The following FANCC variants were observed in gnomAD, a reference collection of about 807,000 sequenced individuals.
The protein encoded by FANCC is Fanconi anemia group C protein.
FANCC carries 55 observed loss-of-function variants against 71.3 expected under a neutral mutation model. The observed-to-expected ratio is 0.77, with a 90% CI of 0.62 to 0.97. The LOEUF is 0.97. Ranked by LOEUF, FANCC falls within the 50% of genes least tolerant of loss-of-function variation. The pLI, the probability that FANCC is intolerant of heterozygous loss-of-function variation, is 0.00. For missense variants in FANCC, 678 were observed against 670.9 expected, an observed-to-expected ratio of 1.01 and a Z score of -0.12; for synonymous variants, 275 against 244.9, an observed-to-expected ratio of 1.12 and a Z score of -1.15.
chr9:95,108,139 GT>G (rs967141739), intron 13 of FANCC, among the ~76,000 whole-genome samples: 1 of 152,090 alleles, frequency 6.6e-6, no homozygotes, highest in Admixed American at 6.5e-5. Context: ...TGTGTGAGGC[GT>G]TTTTTTTCCC....
chr9:95,172,889 G>T (rs1267643687), intron 4 of FANCC, among the ~76,000 whole-genome samples: 1 of 152,118 alleles, frequency 6.6e-6, no homozygotes, highest in African/African-American at 2.4e-5. Flanking sequence ...GCTTGGCTGT[G>T]CTCAATAAAA....
chr9:95,183,566 T>C (rs1372804493), intron 4 of FANCC, among the ~76,000 whole-genome samples: 1 of 152,220 alleles, frequency 6.6e-6, no homozygotes, highest in African/African-American at 2.4e-5. Context: ...TTGCAGGTCA[T>C]AAAATACCCA....
chr9:95,185,049 A>T (rs4647483), intron 4 of FANCC, among the ~76,000 whole-genome samples: 1,590 of 152,356 alleles, frequency 0.01, 29 homozygotes, highest in African/African-American at 0.037. Context: ...ATCTGAAATG[A>T]TAAAGAATTT....
intron 8 of FANCC, among the ~76,000 whole-genome samples, chr9:95,132,140 T>C (rs1327600704): frequency 6.6e-6 from 1 of 152,192 alleles, no homozygotes; most frequent in African/African-American, 2.4e-5. Flanking sequence ...GGCTAGCTCC[T>C]CTGGACCCAG....
At chr9:95,298,632 G>A (rs1006311910) in intron 1 of FANCC, among the ~76,000 whole-genome samples, 3 of 152,182 alleles carry the variant, frequency 2.0e-5, no homozygotes, top group African/African-American at 7.2e-5. Context: ...TTGTACCCAG[G>A]GAGAAGTAGC....
At chr9:95,193,796 T>G (rs573638481) in intron 4 of FANCC, among the ~76,000 whole-genome samples, 1 of 152,210 alleles carries the variant, frequency 6.6e-6, no homozygotes, top group African/African-American at 2.4e-5. Context: ...ACAGGTGTGA[T>G]AGACGGGATT....
At chr9:95,229,770 TACACACAC>T (rs3030656) in intron 4 of FANCC, among the ~76,000 whole-genome samples, 3,195 of 148,366 alleles carry the variant, frequency 0.022, 62 homozygotes, top group African/African-American at 0.052. Flanking sequence ...TGCACACATG[TACACACAC>T]ACACACACAC....
intron 1 of FANCC, among the ~76,000 whole-genome samples, chr9:95,311,753 G>A (rs576202261): frequency 2.7e-5 from 4 of 147,230 alleles, no homozygotes; most frequent in Admixed American, 2.0e-4. Flanking sequence ...GTGAAAAACC[G>A]CAGCCTCAAA....
chr9:95,180,073 T>C (rs894182177), intron 4 of FANCC, among the ~76,000 whole-genome samples: 6 of 152,210 alleles, frequency 3.9e-5, no homozygotes, highest in Admixed American at 2.6e-4. Context: ...CTTAATGCTT[T>C]GTGCATGTAC....
intron 8 of FANCC, 42 bp downstream of exon 8, chr9:95,135,304 C>T: frequency 6.3e-7 from 1 of 1,597,004 alleles, no homozygotes; most frequent in African/African-American, 1.3e-5. Context: ...TTCCAAGCAT[C>T]TCCTTCAAGG....
At position 95,171,083 on chromosome 9, in the gene FANCC, T is replaced by C. The variant is rs2135578342; in HGVS notation, c.517A>G (p.Arg173Gly). The change falls in exon 6 of 15, where the codon AGG (arginine) becomes GGG (glycine). Residue 173 changes from arginine to glycine, a missense_variant. Transcript: ENST00000289081. ...GATGTTTAGTTTAACACCTACCGCC[T>C]TTGAGTGTTAAATCCATTAAGATGA... ...ENHLNGFNTQ[R>G]RMAPERVASL... 6.2e-7 allele frequency: 1 copy of C among 1,611,052 alleles called. No individual in the cohort carries two copies. Among genetic ancestry groups the C allele is most frequent in the Non-Finnish European group, 8.5e-7 (1 of 1,177,342 alleles).
At chr9:95,117,476 A>G in intron 10 of FANCC, 86 bp from the exon 11 acceptor site, 1 of 1,041,818 alleles carries the variant, frequency 9.6e-7, no homozygotes, top group Non-Finnish European at 1.5e-6. Context: ...TCCTCTGCCC[A>G]AAAAAGACCC....
At chr9:95,160,615 G>A (rs1388284406) in intron 6 of FANCC, among the ~76,000 whole-genome samples, 1 of 152,160 alleles carries the variant, frequency 6.6e-6, no homozygotes, top group Non-Finnish European at 1.5e-5. Context: ...AAATTACCTT[G>A]GGCAGTATGG....
At position 95,100,888 on chromosome 9, in the gene FANCC, C is replaced by G. The variant is rs763956310; in HGVS notation, c.*819G>C. The G allele has an allele frequency of 1.5e-4, 36 of 232,342 alleles. No homozygotes were observed. Among genetic ancestry groups the G allele is most frequent in the Non-Finnish European group, 2.2e-4 (26 of 117,516 alleles). The allele number at this position is 232,342 out of a possible 1,614,324, so 14.4% of individuals were successfully genotyped here. A position where few individuals can be genotyped will look rare whatever the true frequency, so the allele number is the denominator to read the frequency against. On this transcript the variant is annotated 3_prime_UTR_variant, in exon 15 of 15. Transcript: ENST00000289081. ...GAAGTAATCCCCCTGCCTTGGCCTC[C>G]CAAAGTGCTGGGATCACAGGTGTGA...
intron 14 of FANCC, among the ~76,000 whole-genome samples, chr9:95,103,153 G>A (rs190634509): frequency 5.9e-5 from 9 of 152,062 alleles, no homozygotes; most frequent in Admixed American, 2.0e-4. Context: ...ACTGTCCCCC[G>A]CTCAGGGGCT....
At chr9:95,217,802 C>A (rs554811069) in intron 4 of FANCC, among the ~76,000 whole-genome samples, 1 of 151,990 alleles carries the variant, frequency 6.6e-6, no homozygotes, top group South Asian at 2.1e-4. Context: ...TAGATAAAAT[C>A]AATAAACCCA....
At chr9:95,223,842 T>C (rs775349724) in intron 4 of FANCC, among the ~76,000 whole-genome samples, 7 of 152,042 alleles carry the variant, frequency 4.6e-5, no homozygotes, top group East Asian at 3.9e-4. Context: ...CCAGGTGTGG[T>C]GGCACATGCC....
intron 10 of FANCC, among the ~76,000 whole-genome samples, 193 bp from the exon 11 acceptor site, chr9:95,117,583 T>TA (rs1484777560): frequency 4.2e-5 from 5 of 119,570 alleles, no homozygotes; most frequent in African/African-American, 1.7e-4. Flanking sequence ...TTAACCTTTT[T>TA]AAAGTCACCT....
intron 4 of FANCC, among the ~76,000 whole-genome samples, chr9:95,183,868 A>G (rs1166905267): frequency 1.3e-5 from 2 of 152,246 alleles, no homozygotes; most frequent in African/African-American, 4.8e-5. Context: ...ATTTTAAAAC[A>G]TGTTTTTCCT....
Sources: gnomAD v4.1 joint callset for allele counts (sites outside exome capture counted in the v4.1 genomes callset) on GRCh38, gnomAD v4.1.1 for gene constraint, MANE v1.5 for transcripts, NCBI Gene and HGNC (gene_info 2026-07-23, HGNC 2026-07-21) for gene names.